The following DDX59 variants were observed in gnomAD, a reference collection of about 807,000 sequenced individuals.
DDX59 encodes DEAD-box helicase 59.
Under a neutral mutation model 51.9 loss-of-function variants are expected in DDX59, and 30 were observed. The observed-to-expected ratio is 0.58, with a 90% CI of 0.43 to 0.78. DDX59 has a LOEUF of 0.78. DDX59 is among the 30% of genes least tolerant of loss of function. The pLI is 0.00. For missense variants in DDX59, 672 were observed against 730.8 expected, an observed-to-expected ratio of 0.92 and a Z score of 0.93; for synonymous variants, 255 against 253.3, an observed-to-expected ratio of 1.01 and a Z score of -0.06.
chr1:200,657,833 C>T (rs1451968828), intron 4 of DDX59, among the ~76,000 whole-genome samples: 1 of 151,932 alleles, frequency 6.6e-6, no homozygotes, highest in Non-Finnish European at 1.5e-5. Context: ...AGGAGAACCA[C>T]TTGAACGCAG....
chr1:200,650,372 G>C, intron 5 of DDX59, 53 bp downstream of exon 5: 3 of 1,544,496 alleles, frequency 1.9e-6, no homozygotes, highest in Middle Eastern at 1.7e-4. Context: ...CTTAAGAGCT[G>C]TGAAAAATGC....
At position 200,649,139 on chromosome 1, in the gene DDX59, T is replaced by A; in HGVS notation, c.1402A>T (p.Thr468Ser). Reference protein sequence around the residue: ...DLLSEAVQKITGLKSISIHSE... With the variant: ...DLLSEAVQKISGLKSISIHSE... ...TGTATAGATATGCTTTTCAGCCCTG[T>A]GATTTTCTGAACGGCTTCACTCAAA... is the stretch of plus-strand genomic sequence containing the variant. Residue 468 changes from threonine (T) to serine (S), a missense_variant, in exon 6 of 8, where the codon ACA becomes TCA. By Grantham distance (58) the Thr-to-Ser change is moderately conservative. Coordinates refer to ENST00000331314, the MANE Select transcript of DDX59 (RefSeq NM_001031725.6). 6.3e-7 allele frequency: 1 copy of A among 1,595,356 alleles called. No individual in the cohort carries two copies. The highest frequency in any genetic ancestry group is 8.5e-7 in the Non-Finnish European group (1 of 1,174,446).
At chr1:200,663,386 C>T (rs1662500148) in intron 3 of DDX59, among the ~76,000 whole-genome samples, 1 of 152,192 alleles carries the variant, frequency 6.6e-6, no homozygotes, top group Non-Finnish European at 1.5e-5. Flanking sequence ...CTGAAGCCCA[C>T]AGAAGTGAAG....
intron 2 of DDX59, 22 bp from the exon 3 acceptor site, chr1:200,664,108 G>C: frequency 1.3e-6 from 2 of 1,599,346 alleles, no homozygotes; most frequent in South Asian, 2.3e-5. Flanking sequence ...TGAAAAACAA[G>C]TTTAAAAACA....
Position 200,648,545 on chromosome 1 carries a change from T to G in DDX59, c.1490A>C (p.Glu497Ala). 2 of 1,613,614 alleles carry G rather than the reference T, an allele frequency of 1.2e-6. No homozygotes were observed. The highest frequency in any genetic ancestry group is 1.7e-6 in the Non-Finnish European group (2 of 1,179,774). The change falls in exon 7 of 8, where the codon GAA (glutamate) becomes GCA (alanine). Residue 497 changes from glutamate to alanine, a missense_variant. Physicochemically the swap from Glu to Ala is moderately radical, Grantham distance 107. Coordinates refer to ENST00000331314, the MANE Select transcript of DDX59 (RefSeq NM_001031725.6). ...CAAGACTCCTGTGCTCACTACAACT[T>G]CATAGTCTCCTTCAAGTAATCCCTT... ...ILKGLLEGDYEVVVSTGVLGR... is the reference protein window; with the variant it reads ...ILKGLLEGDYAVVVSTGVLGR...
intron 6 of DDX59, 68 bp from the exon 7 acceptor site, chr1:200,648,635 G>A (rs554695319): frequency 2.0e-4 from 293 of 1,501,284 alleles, no homozygotes; most frequent in Non-Finnish European, 2.4e-4. Context: ...AATTCTGATA[G>A]CTTTTCTTTT....
downstream of DDX59, among the ~76,000 whole-genome samples, chr1:200,643,592 G>A (rs1262094197): frequency 1.3e-5 from 2 of 151,826 alleles, no homozygotes; most frequent in East Asian, 1.9e-4. Context: ...GCAGTGAGCC[G>A]AGATCGTGCC....
Position 200,665,924 on chromosome 1 carries a change from T to C in DDX59, c.804+13A>G, listed in dbSNP as rs1296710071. The C allele has an allele frequency of 1.3e-6, 2 of 1,580,668 alleles. No homozygotes were observed. The highest frequency in any genetic ancestry group is 4.5e-5 in the East Asian group (2 of 44,608). On this transcript the variant is annotated intron_variant, in intron 2 of 7. Coordinates refer to ENST00000331314, the MANE Select transcript of DDX59 (RefSeq NM_001031725.6). ...CAAGAATAATACATGTGAACTCTAT[T>C]ATTAACACTTACCTCGAATAAAGCT...
intron 4 of DDX59, among the ~76,000 whole-genome samples, chr1:200,653,886 C>T (rs1369710496): frequency 6.6e-6 from 1 of 152,142 alleles, no homozygotes; most frequent in African/African-American, 2.4e-5. Flanking sequence ...AAGGTAACCC[C>T]CCTCCCCTCG....
At chr1:200,665,674 TAAAAAG>T (rs1662679030) in intron 2 of DDX59, among the ~76,000 whole-genome samples, 1 of 152,110 alleles carries the variant, frequency 6.6e-6, no homozygotes, top group Admixed American at 6.5e-5. Context: ...GAAAAACTGT[TAAAAAG>T]AAAATGTTTT....
chr1:200,644,317 C>T lies in DDX59; in HGVS notation c.1797G>A (p.Leu599=). 1 of 1,612,518 alleles carries T rather than the reference C, an allele frequency of 6.2e-7. No individual in the cohort carries two copies. Among genetic ancestry groups the T allele is most frequent in the Non-Finnish European group, 8.5e-7 (1 of 1,179,316 alleles). The part of the protein sequence containing the change: ...QQKDKQTQND[L]VTGANLMDII... The stretch of plus-strand genomic sequence containing the variant: ...TATCCATAAGATTAGCTCCTGTAAC[C>T]AGATCATTCTGTGTCTGTTTATCTT... The change falls in exon 8 of 8, where the codon CTG becomes CTA. Residue 599 remains leucine (L), a synonymous_variant. Transcript: ENST00000331314.
At chr1:200,647,414 C>T (rs1661357093) in intron 7 of DDX59, among the ~76,000 whole-genome samples, 1 of 151,998 alleles carries the variant, frequency 6.6e-6, no homozygotes, top group Non-Finnish European at 1.5e-5. Context: ...TTTATTTTGG[C>T]CAGACATATC....
rs1553272168 is a variant in DDX59, at chr1:200,669,895, T to TGCGGAGCGGAGCGGA, written c.-141_-140insTCCGCTCCGCTCCGC. On this transcript the variant is annotated 5_prime_UTR_variant, in exon 1 of 8. Transcript: ENST00000331314. ...CAGGACTGCGGCCCGGGGTTGGTGGTGCGGAGCGGAGCGGAGCGGAGCGTA... is the reference window on the plus strand; with the variant it reads ...CAGGACTGCGGCCCGGGGTTGGTGGTGCGGAGCGGAGCGGAGCGGAGCGGAGCGGAGCGGAGCGTA... The TGCGGAGCGGAGCGGA allele has an allele frequency of 2.2e-4, 27 of 122,296 alleles. No homozygotes were observed. The highest frequency in any genetic ancestry group is 7.0e-4 in the African/African-American group (26 of 37,360). The allele number at this position is 122,296 out of a possible 1,614,324, so 7.6% of individuals were successfully genotyped here.
downstream of DDX59, chr1:200,643,964 G>T: frequency 7.3e-6 from 2 of 275,594 alleles, no homozygotes; most frequent in Non-Finnish European, 1.1e-5. Context: ...CCGAGTCAGA[G>T]TCTTTGTGGA....
intron 3 of DDX59, among the ~76,000 whole-genome samples, chr1:200,661,549 TGAG>T (rs1281295525): frequency 1.3e-5 from 2 of 152,114 alleles, no homozygotes; most frequent in Non-Finnish European, 2.9e-5. Context: ...TCTAATCAAA[TGAG>T]GGATGTTCTT....
chr1:200,648,349 ACTG>A, intron 7 of DDX59, 87 bp downstream of exon 7: 1 of 1,561,356 alleles, frequency 6.4e-7, no homozygotes, highest in Non-Finnish European at 8.7e-7. Flanking sequence ...CCTGGCCGAT[ACTG>A]CTTTCTTAAA....
rs377152545 is a variant in DDX59 at position 200,655,895 on chromosome 1, A to C, written c.1062+3132T>G. Among the ~76,000 whole-genome samples, 8 of 151,484 alleles carry C rather than the reference A, an allele frequency of 5.3e-5. No homozygotes were observed. The East Asian group carries it at 9.7e-4, about 18-fold the overall frequency. ...GCCCAGGCTGGAGTGCAATGGCACGATCTTGGCTCACCGCAACCTCCACCT... is the reference window on the plus strand; with the variant it reads ...GCCCAGGCTGGAGTGCAATGGCACGCTCTTGGCTCACCGCAACCTCCACCT... On this transcript the variant is annotated intron_variant, in intron 4 of 7. Transcript: ENST00000331314.
chr1:200,654,891 G>A (rs1661914637), intron 4 of DDX59: 1 of 152,146 alleles, frequency 6.6e-6, no homozygotes, highest in Non-Finnish European at 1.5e-5. Flanking sequence ...TTCCTCTCTG[G>A]TGTCTCAAGC....
chr1:200,642,291 T>C (rs1400574121), downstream of DDX59, among the ~76,000 whole-genome samples: 1 of 152,148 alleles, frequency 6.6e-6, no homozygotes, highest in Non-Finnish European at 1.5e-5. Flanking sequence ...CTCACAAAAA[T>C]CTATTATTTA....
Sources: gnomAD v4.1 joint callset for allele counts (sites outside exome capture counted in the v4.1 genomes callset) on GRCh38, gnomAD v4.1.1 for gene constraint, MANE v1.5 for transcripts, NCBI Gene and HGNC (gene_info 2026-07-23, HGNC 2026-07-21) for gene names.